TENM3: variants seen among roughly 807,000 people sequenced by gnomAD.
The protein encoded by TENM3 is teneurin transmembrane protein 3, also known as teneurin-3.
TENM3 carries 63 observed loss-of-function variants against 255.1 expected under a neutral mutation model. The ratio of observed to expected loss-of-function variants is 0.25; its 90% CI spans 0.20 to 0.30. The LOEUF is 0.30. Among genes scored for constraint, TENM3 ranks in the 10% least tolerant of loss-of-function variants. The probability of loss-of-function intolerance (pLI) is 1.00; values close to 1 mark genes in which losing one functional copy is unlikely to be tolerated. For missense variants in TENM3, 2,929 were observed against 3,461.1 expected, an observed-to-expected ratio of 0.85 and a Z score of 3.86; for synonymous variants, 1,306 against 1,322.3, an observed-to-expected ratio of 0.99 and a Z score of 0.27.
rs529748049 is a variant in TENM3 at position 182,730,314 on chromosome 4, C to T, written c.2700C>T (p.Asp900=). The part of the protein sequence containing the change: ...PEYGYTITRQ[D]GMFDLVANGG... ...ATGGATATACTATTACCCGCCAGGACGGAATGTGAGTTAGTCCCATCACAC... is the reference window on the plus strand; with the variant it reads ...ATGGATATACTATTACCCGCCAGGATGGAATGTGAGTTAGTCCCATCACAC... The change falls in exon 15 of 28, where the codon GAC becomes GAT. Residue 900 remains aspartate (D), a synonymous_variant. Transcript: ENST00000511685. 4.8e-5 allele frequency: 77 copies of T among 1,613,228 alleles called. No individual in the cohort carries two copies. Among genetic ancestry groups the T allele is most frequent in the Admixed American group, 2.0e-4 (12 of 59,962 alleles).
intron 6 of TENM3, among the ~76,000 whole-genome samples, chr4:182,664,642 T>G (rs1425170288): frequency 2.0e-5 from 3 of 152,012 alleles, no homozygotes; most frequent in Non-Finnish European, 1.5e-5. Flanking sequence ...AGGTTGTGAG[T>G]GCAAAGGAGA....
chr4:181,653,089 G>A, the TENM3 span, among the ~76,000 whole-genome samples: 3 of 152,078 alleles, frequency 2.0e-5, no homozygotes, highest in South Asian at 2.1e-4. Context: ...TTATTTACCC[G>A]GAGCCTACTC....
At chr4:182,492,526 A>C (rs146481260) in intron 3 of TENM3, among the ~76,000 whole-genome samples, 53 of 152,308 alleles carry the variant, frequency 3.5e-4, no homozygotes, top group Non-Finnish European at 3.5e-4. Flanking sequence ...CTTTAGCTAC[A>C]GTTTCCTGGT....
At chr4:182,564,471 A>G (rs1743555146) in intron 3 of TENM3, among the ~76,000 whole-genome samples, 2 of 152,072 alleles carry the variant, frequency 1.3e-5, no homozygotes, top group Non-Finnish European at 2.9e-5. Flanking sequence ...ACCTTTCAAC[A>G]AATATGAGAC....
the TENM3 span, among the ~76,000 whole-genome samples, chr4:181,466,122 G>C: frequency 9.0e-6 from 1 of 111,312 alleles, no homozygotes; most frequent in Non-Finnish European, 2.0e-5. Context: ...TTTTTTTTTT[G>C]TTTTGTTTTT....
rs575216642 is a variant in TENM3, at chr4:182,585,711, C to T, written c.512-15213C>T. Among the ~76,000 whole-genome samples the T allele has an allele frequency of 1.3e-3, 205 of 152,286 alleles. 1 individual carries two copies. Among genetic ancestry groups the T allele is most frequent in the Middle Eastern group, 6.8e-3 (2 of 294 alleles). ...TTACGGAAGCTTGAGCAGACCAGTA[C>T]GTCACATCTCTATTCTCTTCATGAT... On this transcript the variant is annotated intron_variant, in intron 3 of 27. Coordinates refer to ENST00000511685, the MANE Select transcript of TENM3 (RefSeq NM_001080477.4).
chr4:182,423,378 G>A (rs1004325582), intron 3 of TENM3, among the ~76,000 whole-genome samples: 2 of 151,974 alleles, frequency 1.3e-5, no homozygotes, highest in South Asian at 2.1e-4. Flanking sequence ...AATCTCAAAT[G>A]CCTCTGAATA....
chr4:182,486,805 C>A (rs377046207), intron 3 of TENM3, among the ~76,000 whole-genome samples: 13 of 152,166 alleles, frequency 8.5e-5, no homozygotes, highest in African/African-American at 3.1e-4. Context: ...TATAGATAAC[C>A]CTCAATATAC....
intron 3 of TENM3, among the ~76,000 whole-genome samples, chr4:182,599,061 A>G (rs1306002064): frequency 6.6e-6 from 1 of 152,000 alleles, no homozygotes; most frequent in African/African-American, 2.4e-5. Flanking sequence ...CTTTGTTTCT[A>G]TTCTGTTGAC....
chr4:182,576,902 G>A (rs1411501814), intron 3 of TENM3, among the ~76,000 whole-genome samples: 1 of 152,166 alleles, frequency 6.6e-6, no homozygotes, highest in African/African-American at 2.4e-5. Flanking sequence ...ATATGCAAAT[G>A]CCGAAGCGGA....
rs1416135623 is a variant in TENM3 at position 182,680,534 on chromosome 4, G to A, written c.1640-9G>A. 2 of 1,611,366 alleles carry A rather than the reference G, an allele frequency of 1.2e-6. No homozygotes were observed. The highest frequency in any genetic ancestry group is 3.4e-5 in the Admixed American group (2 of 59,198). On this transcript the variant is annotated splice_polypyrimidine_tract_variant and intron_variant, in intron 9 of 27. Transcript: ENST00000511685. ...GGCTGTAATTCTTCTGTCGTGTCTT[G>A]TTTCACAGCCGCCTGTCCAGTGTTA... is the stretch of plus-strand genomic sequence containing the variant.
chr4:182,386,417 G>A (rs1039847979), intron 3 of TENM3, among the ~76,000 whole-genome samples: 5 of 152,208 alleles, frequency 3.3e-5, no homozygotes, highest in Non-Finnish European at 7.3e-5. Flanking sequence ...CAGAACCCTC[G>A]CTTGCTCTCG....
chr4:181,937,026 A>C, the TENM3 span, among the ~76,000 whole-genome samples: 185 of 152,336 alleles, frequency 1.2e-3, no homozygotes, highest in African/African-American at 4.4e-3. Flanking sequence ...AATTACATAC[A>C]GTGGCCAGAA....
chr4:181,707,413 G>A, the TENM3 span, among the ~76,000 whole-genome samples: 23 of 152,130 alleles, frequency 1.5e-4, no homozygotes, highest in South Asian at 2.1e-4. Context: ...TTAGAGACTC[G>A]TCTGAAATTC....
the TENM3 span, among the ~76,000 whole-genome samples, chr4:181,527,118 TC>T: frequency 6.6e-6 from 1 of 152,190 alleles, no homozygotes; most frequent in African/African-American, 2.4e-5. Flanking sequence ...AGCTGCTAGG[TC>T]CACAATTGCA....
At chr4:182,065,447 A>G in the TENM3 span, among the ~76,000 whole-genome samples, 1 of 152,222 alleles carries the variant, frequency 6.6e-6, no homozygotes, top group Non-Finnish European at 1.5e-5. Context: ...CAGAAGGCCA[A>G]GGGGGAGCAC....
intron 3 of TENM3, among the ~76,000 whole-genome samples, chr4:182,387,194 C>A (rs1768011304): frequency 6.6e-6 from 1 of 151,442 alleles, no homozygotes; most frequent in Non-Finnish European, 1.5e-5. Flanking sequence ...ATACACCAAT[C>A]GGCAATCTGT....
the TENM3 span, among the ~76,000 whole-genome samples, chr4:181,955,005 A>G: frequency 6.6e-6 from 1 of 152,208 alleles, no homozygotes; most frequent in African/African-American, 2.4e-5. Context: ...ACCTTTTCTG[A>G]AATTCAGTGG....
At chr4:182,268,350 C>T (rs985528888) in intron 1 of TENM3, among the ~76,000 whole-genome samples, 1 of 152,020 alleles carries the variant, frequency 6.6e-6, no homozygotes, top group Non-Finnish European at 1.5e-5. Context: ...TGTAAAAGAC[C>T]CTCATACTTA....
Sources: gnomAD v4.1 joint callset for allele counts (sites outside exome capture counted in the v4.1 genomes callset) on GRCh38, gnomAD v4.1.1 for gene constraint, MANE v1.5 for transcripts, NCBI Gene and HGNC (gene_info 2026-07-23, HGNC 2026-07-21) for gene names.